Variants in TAB2 observed in about 807,000 individuals in gnomAD.
TAB2 encodes the protein TGF-beta activated kinase 1 (MAP3K7) binding protein 2.
TAB2 carries 3 observed loss-of-function variants against 65.0 expected under a neutral mutation model. The observed-to-expected ratio is 0.05, with a 90% CI of 0.02 to 0.12. TAB2 has a LOEUF of 0.12. Among genes scored for constraint, TAB2 ranks in the 10% least tolerant of loss-of-function variants. The pLI, the probability that TAB2 is intolerant of heterozygous loss-of-function variation, is 1.00. For missense variants in TAB2, 623 were observed against 840.3 expected, an observed-to-expected ratio of 0.74 and a Z score of 3.20; for synonymous variants, 298 against 285.1, an observed-to-expected ratio of 1.05 and a Z score of -0.46.
chr6:149,384,201 C>T (rs559582414), intron 3 of TAB2, among the ~76,000 whole-genome samples: 78 of 152,154 alleles, frequency 5.1e-4, no homozygotes, highest in African/African-American at 1.8e-3. Context: ...ATACTTTTTC[C>T]AAATTGAGAA....
chr6:149,337,688 A>C (rs1442966538), intron 1 of TAB2, among the ~76,000 whole-genome samples: 11 of 152,164 alleles, frequency 7.2e-5, no homozygotes, highest in Non-Finnish European at 1.5e-5. Context: ...CTCTTTTATT[A>C]TTTATCTGTT....
In TAB2 at chr6:149,254,101, GGAA is replaced by G. The variant is rs1417265591; in HGVS notation, c.-121+35327_-121+35329del. Among the ~76,000 whole-genome samples the G allele has an allele frequency of 7.2e-3, 789 of 109,178 alleles. 7 individuals carry two copies. The highest frequency in any genetic ancestry group is 9.6e-3 in the Non-Finnish European group (494 of 51,344). The allele number at this position is 109,178 out of a possible 152,430, so 71.6% of individuals were successfully genotyped here. On this transcript the variant is annotated intron_variant, in intron 1 of 1. Transcript: ENST00000606202. ...AGGAAGGAAGGAAGGAAGGAAGGAA[GGAA>G]GGAAGGAAGGACAGGGAAGGGAAGG...
chr6:149,332,701 A>G (rs554306375), intron 1 of TAB2, among the ~76,000 whole-genome samples: 86 of 152,312 alleles, frequency 5.6e-4, no homozygotes, highest in African/African-American at 2.0e-3. Context: ...ACAGATAAAA[A>G]CAGCCAGAGA....
At chr6:149,383,024 G>C (rs138085333) in intron 3 of TAB2, among the ~76,000 whole-genome samples, 6,290 of 151,784 alleles carry the variant, frequency 0.041, 452 homozygotes, top group African/African-American at 0.15. Context: ...GTGTGGTGGC[G>C]TGCACCTGTA....
intron 1 of TAB2, among the ~76,000 whole-genome samples, chr6:149,355,843 G>A (rs1482601949): frequency 6.6e-6 from 1 of 151,974 alleles, no homozygotes; most frequent in African/African-American, 2.4e-5. Context: ...AACTAAATTT[G>A]AGAAATATTG....
At chr6:149,345,484 T>A (rs997682) in intron 1 of TAB2, among the ~76,000 whole-genome samples, 35,852 of 151,946 alleles carry the variant, frequency 0.24, 4,414 homozygotes, top group Non-Finnish European at 0.26. Context: ...TCTTACTCTA[T>A]CTACATATCA....
At chr6:149,311,232 T>C (rs1779160990) in intron 1 of TAB2, among the ~76,000 whole-genome samples, 2 of 152,214 alleles carry the variant, frequency 1.3e-5, no homozygotes, top group Admixed American at 6.6e-5. Flanking sequence ...TCCCTAAATA[T>C]GCTCTATCTT....
chr6:149,411,574 GTTAT>G lies in TAB2; in HGVS notation c.*1860_*1863del, dbSNP rs1782864076. ...GGTAAACTATCTTTGTAACAGATAAGTTATTTATAAAAATTAAAAAACTTATATT... is the reference window on the plus strand; with the variant it reads ...GGTAAACTATCTTTGTAACAGATAAGTTATAAAAATTAAAAAACTTATATT... On this transcript the variant is annotated 3_prime_UTR_variant, in exon 7 of 7. Transcript: ENST00000637181. The G allele has an allele frequency of 6.5e-6, 1 of 153,438 alleles. No homozygotes were observed. The highest frequency in any genetic ancestry group is 6.5e-5 in the Admixed American group (1 of 15,278). 9.5% of individuals were successfully genotyped at this position (153,438 alleles called of 1,614,324 possible).
At chr6:149,265,721 G>A (rs756573301) in intron 1 of TAB2, among the ~76,000 whole-genome samples, 3 of 152,152 alleles carry the variant, frequency 2.0e-5, no homozygotes, top group East Asian at 1.9e-4. Flanking sequence ...GGGGTTCAAC[G>A]CCAACGCCCC....
In TAB2 at chr6:149,370,112, T is replaced by C. The variant is rs1781170021; in HGVS notation, c.102+13T>C. The C allele has an allele frequency of 6.2e-7, 1 of 1,607,960 alleles. No homozygotes were observed. The highest frequency in any genetic ancestry group is 1.1e-5 in the South Asian group (1 of 90,972). ...GTGCATGTTACAGGTCAGTGTTCAA[T>C]GATTTCTGAATTTGTTAATACAAAC... On this transcript the variant is annotated intron_variant, in intron 2 of 6. Transcript: ENST00000637181.
chr6:149,348,224 C>CA (rs570081531), intron 1 of TAB2, among the ~76,000 whole-genome samples: 1 of 151,718 alleles, frequency 6.6e-6, no homozygotes, highest in South Asian at 2.1e-4. Context: ...GAGAGCCTAC[C>CA]AAAAAAATAC....
chr6:149,271,904 G>A (rs762827106), intron 1 of TAB2, among the ~76,000 whole-genome samples: 1 of 151,962 alleles, frequency 6.6e-6, no homozygotes, highest in Non-Finnish European at 1.5e-5. Context: ...AAGACAGAAA[G>A]GAGTTAAGTG....
At chr6:149,409,429 T>C in intron 6 of TAB2, 148 bp from the exon 7 acceptor site, 3 of 692,202 alleles carry the variant, frequency 4.3e-6, no homozygotes, top group East Asian at 2.7e-5. Flanking sequence ...TTGGTAGTGA[T>C]CGAGCATGTG....
chr6:149,265,156 A>G (rs540584472), intron 1 of TAB2, among the ~76,000 whole-genome samples: 77 of 151,378 alleles, frequency 5.1e-4, no homozygotes, highest in African/African-American at 1.7e-3. Flanking sequence ...ATAATGCTGG[A>G]AAAAAATGCG....
At chr6:149,322,520 G>T (rs1359861265) in intron 1 of TAB2, among the ~76,000 whole-genome samples, 1 of 152,016 alleles carries the variant, frequency 6.6e-6, no homozygotes, top group African/African-American at 2.4e-5. Context: ...ATAGAAAATC[G>T]GAGTTTTTAA....
In TAB2 at chr6:149,375,404, G is replaced by C. The variant is rs80091058; in HGVS notation, c.103-2614G>C. Among the ~76,000 whole-genome samples the C allele has an allele frequency of 2.8e-4, 42 of 152,206 alleles. No homozygotes were observed. The East Asian group carries it at 5.6e-3, about 20-fold the overall frequency. ...AATGTCTGTAGAGTGTAAATAATTT[G>C]AGTGCACATAAATTATGGCATAACT... On this transcript the variant is annotated intron_variant, in intron 2 of 6. Transcript: ENST00000637181.
upstream of TAB2, among the ~76,000 whole-genome samples, chr6:149,314,276 T>G (rs1293845335): frequency 6.6e-6 from 1 of 152,224 alleles, no homozygotes; most frequent in East Asian, 1.9e-4. Context: ...TGCTAGATTA[T>G]CCTTCCTAAA....
intron 1 of TAB2, among the ~76,000 whole-genome samples, chr6:149,275,225 G>GAGA (rs1778438481): frequency 2.1e-5 from 2 of 97,472 alleles, no homozygotes; most frequent in East Asian, 6.1e-4. Flanking sequence ...GGGGGAGGGG[G>GAGA]GAGAGAGAGA....
chr6:149,229,445 T>C (rs945346906), intron 1 of TAB2, among the ~76,000 whole-genome samples: 15 of 152,204 alleles, frequency 9.9e-5, no homozygotes, highest in Middle Eastern at 3.4e-3. Context: ...TTTTTTCTTT[T>C]ATTTTAAGGG....
Sources: gnomAD v4.1 joint callset for allele counts (sites outside exome capture counted in the v4.1 genomes callset) on GRCh38, gnomAD v4.1.1 for gene constraint, MANE v1.5 for transcripts, NCBI Gene and HGNC (gene_info 2026-07-23, HGNC 2026-07-21) for gene names.